Variants in RBFOX1 observed in about 807,000 individuals in gnomAD.
RBFOX1 encodes RNA binding fox-1 homolog 1.
In RBFOX1, 8 loss-of-function variants were observed where a neutral mutation model predicts 57.7. That is an observed-to-expected ratio of 0.14 (90% CI 0.08 to 0.25). RBFOX1 has a LOEUF of 0.25. Ranked by LOEUF, RBFOX1 falls within the 10% of genes least tolerant of loss-of-function variation. RBFOX1 has a pLI of 1.00. For synonymous variants in RBFOX1, 326 were observed against 222.4 expected, an observed-to-expected ratio of 1.47 and a Z score of -4.15; for missense variants, 611 against 548.5, an observed-to-expected ratio of 1.11 and a Z score of -1.14.
chr16:6,790,994 C>G (rs1349945109), intron 3 of RBFOX1, among the ~76,000 whole-genome samples: 2 of 151,924 alleles, frequency 1.3e-5, no homozygotes, highest in Non-Finnish European at 2.9e-5. Flanking sequence ...CGTCTTCTGG[C>G]TCTCAGGTTC....
chr16:5,272,548 A>G (rs2063039549), intron 1 of RBFOX1, among the ~76,000 whole-genome samples: 1 of 152,188 alleles, frequency 6.6e-6, no homozygotes, highest in African/African-American at 2.4e-5. Flanking sequence ...AGGGCCGACA[A>G]GTTCATGACT....
At chr16:7,391,520 TG>T (rs2098021846) in intron 4 of RBFOX1, among the ~76,000 whole-genome samples, 1 of 152,244 alleles carries the variant, frequency 6.6e-6, no homozygotes, top group African/African-American at 2.4e-5. Context: ...CCAGTTTCCT[TG>T]TCCCGTTCAC....
At chr16:5,429,299 G>A (rs1370033381) in intron 1 of RBFOX1, among the ~76,000 whole-genome samples, 2 of 152,210 alleles carry the variant, frequency 1.3e-5, no homozygotes, top group African/African-American at 2.4e-5. Context: ...GAGAGTCCAG[G>A]CCTTTGCGGT....
At chr16:5,635,806 T>G (rs561020168) in intron 3 of RBFOX1, among the ~76,000 whole-genome samples, 1 of 70,460 alleles carries the variant, frequency 1.4e-5, no homozygotes, top group Non-Finnish European at 2.3e-5. Context: ...TAGCACTGGG[T>G]TTTTTTTGGA....
chr16:7,592,555 T>A (rs1259942075), intron 7 of RBFOX1, among the ~76,000 whole-genome samples: 1 of 152,178 alleles, frequency 6.6e-6, no homozygotes, highest in Non-Finnish European at 1.5e-5. Flanking sequence ...GCCCTCCAGC[T>A]ATACCAGTGG....
intron 4 of RBFOX1, among the ~76,000 whole-genome samples, chr16:5,983,442 T>C (rs997783729): frequency 1.3e-5 from 2 of 152,132 alleles, no homozygotes; most frequent in African/African-American, 4.8e-5. Flanking sequence ...GGAAAGGAGA[T>C]AAGGGCTGGG....
At chr16:5,264,053 C>T (rs1289454197) in intron 1 of RBFOX1, among the ~76,000 whole-genome samples, 1 of 152,026 alleles carries the variant, frequency 6.6e-6, no homozygotes, top group Non-Finnish European at 1.5e-5. Flanking sequence ...AGTTTAGGAG[C>T]ACATTACAAG....
At chr16:5,828,349 G>C (rs966852550) in intron 3 of RBFOX1, among the ~76,000 whole-genome samples, 1 of 152,156 alleles carries the variant, frequency 6.6e-6, no homozygotes, top group African/African-American at 2.4e-5. Flanking sequence ...AAGGATAATA[G>C]TCACTAGTAA....
chr16:7,109,370 G>A (rs1270366464), intron 4 of RBFOX1, among the ~76,000 whole-genome samples: 3 of 152,086 alleles, frequency 2.0e-5, no homozygotes, highest in African/African-American at 7.2e-5. Context: ...CACCAGATTT[G>A]ACTACTGCCA....
intron 1 of RBFOX1, among the ~76,000 whole-genome samples, chr16:5,380,729 T>A (rs956176025): frequency 1.3e-5 from 2 of 152,184 alleles, no homozygotes; most frequent in African/African-American, 4.8e-5. Flanking sequence ...ACACGTCTAG[T>A]AAGGGATGGA....
intron 1 of RBFOX1, among the ~76,000 whole-genome samples, chr16:5,278,721 G>T (rs1294608079): frequency 6.6e-6 from 1 of 152,160 alleles, no homozygotes; most frequent in Admixed American, 6.6e-5. Flanking sequence ...TATAGTTGTG[G>T]CTGTTACGTT....
chr16:7,078,695 T>TC, intron 4 of RBFOX1, among the ~76,000 whole-genome samples: 1 of 146,338 alleles, frequency 6.8e-6, no homozygotes, highest in Non-Finnish European at 1.5e-5. Flanking sequence ...TATTTTATTT[T>TC]TTTTTGAGAC....
chr16:5,471,257 G>A (rs1396445108), intron 2 of RBFOX1, among the ~76,000 whole-genome samples: 1 of 152,226 alleles, frequency 6.6e-6, no homozygotes, highest in African/African-American at 2.4e-5. Context: ...TCCTATTGAG[G>A]AAATGGCGTT....
intron 1 of RBFOX1, among the ~76,000 whole-genome samples, chr16:5,457,996 G>A (rs2068681351): frequency 6.6e-6 from 1 of 152,120 alleles, no homozygotes; most frequent in South Asian, 2.1e-4. Context: ...AACTTGAATA[G>A]CCTCCCCTCT....
At chr16:5,405,313 A>G (rs185907371) in intron 1 of RBFOX1, among the ~76,000 whole-genome samples, 64 of 152,326 alleles carry the variant, frequency 4.2e-4, no homozygotes, top group African/African-American at 1.5e-3. Flanking sequence ...GTGGGAAGTA[A>G]CTGAACTATG....
At chr16:5,614,653 A>G (rs2151261785) in intron 3 of RBFOX1, among the ~76,000 whole-genome samples, 1 of 152,108 alleles carries the variant, frequency 6.6e-6, no homozygotes, top group East Asian at 1.9e-4. Flanking sequence ...AAACACTTTC[A>G]TTTTCCAGTT....
At chr16:7,517,053 T>C (rs893718856) in intron 4 of RBFOX1, among the ~76,000 whole-genome samples, 1 of 152,006 alleles carries the variant, frequency 6.6e-6, no homozygotes, top group Non-Finnish European at 1.5e-5. Context: ...GCTAAGTTTT[T>C]TTCCTCGCTC....
intron 3 of RBFOX1, among the ~76,000 whole-genome samples, chr16:5,808,925 T>G (rs539082907): frequency 1.5e-4 from 23 of 152,278 alleles, no homozygotes; most frequent in African/African-American, 5.5e-4. Context: ...TTCTCCTGCC[T>G]AATTTCCGTG....
intron 5 of RBFOX1, among the ~76,000 whole-genome samples, chr16:7,577,959 G>A (rs2093463796): frequency 6.6e-6 from 1 of 152,164 alleles, no homozygotes; most frequent in Non-Finnish European, 1.5e-5. Flanking sequence ...CTCTATTGGT[G>A]TCATGCACTA....
Sources: allele counts gnomAD v4.1 joint callset (sites outside exome capture counted in the v4.1 genomes callset), GRCh38; gene constraint gnomAD v4.1.1; transcripts MANE v1.5; gene names NCBI Gene and HGNC (gene_info 2026-07-23, HGNC 2026-07-21).